Variants in ADK observed in about 807,000 individuals in gnomAD.
The protein encoded by ADK is N6,N6-dimethyladenosine kinase.
Under a neutral mutation model 44.7 loss-of-function variants are expected in ADK, and 24 were observed. The ratio of observed to expected loss-of-function variants is 0.54; its 90% CI spans 0.39 to 0.76. The LOEUF (loss-of-function observed/expected upper bound fraction) is 0.76. ADK is among the 30% of genes least tolerant of loss of function. The pLI, the probability that ADK is intolerant of heterozygous loss-of-function variation, is 0.00. For synonymous variants in ADK, 128 were observed against 142.6 expected (o/e 0.90, Z 0.73); for missense variants, 321 against 425.1 (o/e 0.76, Z 2.15).
Position 74,224,579 on chromosome 10 carries a change from A to G in ADK, c.182A>G (p.Lys61Arg), listed in dbSNP as rs1302443324. 1.2e-6 allele frequency: 2 copies of G among 1,613,692 alleles called. No individual in the cohort carries two copies. The highest frequency in any genetic ancestry group is 1.7e-4 in the Middle Eastern group (1 of 6,054). ...KPNDQILAED[K>R]HKELFDELVK... ...AATGACCAAATCTTGGCTGAAGACA[A>G]ACACAAGGAACTGTAAGTGCATTAA... is the stretch of plus-strand genomic sequence containing the variant. Residue 61 changes from lysine to arginine, a missense_variant, in exon 3 of 11, where the codon AAA becomes AGA. Transcript: ENST00000539909.
At position 74,231,233 on chromosome 10, in the gene ADK, G is replaced by A. The variant is rs576085362; in HGVS notation, c.194+6642G>A. 2.0e-5 allele frequency among the ~76,000 whole-genome samples: 3 copies of A among 152,244 alleles called. No homozygotes were observed. The East Asian group carries it at 5.8e-4, about 29-fold the overall frequency. On this transcript the variant is annotated intron_variant, in intron 3 of 10. Transcript: ENST00000539909. ...GTCAGCTTGATACAAAAGCTCTTAG[G>A]TGTGCTCATGAAGTAAGTCAAATGT... is the stretch of plus-strand genomic sequence containing the variant.
intron 4 of ADK, among the ~76,000 whole-genome samples, chr10:74,341,935 T>C (rs560050444): frequency 1.3e-5 from 2 of 152,324 alleles, no homozygotes; most frequent in South Asian, 2.1e-4. Flanking sequence ...ACAAATGATA[T>C]CACTTCTTGG....
rs999583604 is a variant in ADK at position 74,658,727 on chromosome 10, C to A, written c.878-11456C>A. Among the ~76,000 whole-genome samples the A allele has an allele frequency of 3.3e-5, 5 of 152,094 alleles. No homozygotes were observed. In the East Asian group the frequency reaches 9.6e-4, roughly 29 times the overall value. On this transcript the variant is annotated intron_variant, in intron 9 of 10. Coordinates refer to ENST00000539909, the MANE Select transcript of ADK (RefSeq NM_006721.4). ...TACAGGCATAAATCACCATGCCTGGCTGGAAACCAGTTCTTCAGATAAGAG... is the reference window on the plus strand; with the variant it reads ...TACAGGCATAAATCACCATGCCTGGATGGAAACCAGTTCTTCAGATAAGAG...
At position 74,513,889 on chromosome 10, in the gene ADK, A is replaced by G. The variant is rs760698880; in HGVS notation, c.556-11367A>G. Among the ~76,000 whole-genome samples, 269 of 152,130 alleles carry G rather than the reference A, an allele frequency of 1.8e-3. 3 individuals carry two copies. Among genetic ancestry groups the G allele is most frequent in the Non-Finnish European group, 4.0e-4 (27 of 68,012 alleles). On this transcript the variant is annotated intron_variant, in intron 6 of 10. Coordinates refer to ENST00000539909, the MANE Select transcript of ADK (RefSeq NM_006721.4). The stretch of plus-strand genomic sequence containing the variant: ...TGATTCCTTTCTCCTTCTCCTTTGT[A>G]CAGCAGCTCTATCAGTGTGTTTTAT...
At chr10:74,576,245 G>A (rs1360714799) in intron 7 of ADK, among the ~76,000 whole-genome samples, 1 of 151,952 alleles carries the variant, frequency 6.6e-6, no homozygotes, top group Non-Finnish European at 1.5e-5. Flanking sequence ...GAAAGGGTGG[G>A]GAAATTCAAA....
At chr10:74,472,680 A>T (rs1310441007) in intron 6 of ADK, among the ~76,000 whole-genome samples, 1 of 152,178 alleles carries the variant, frequency 6.6e-6, no homozygotes, top group East Asian at 1.9e-4. Flanking sequence ...TTAAAGTTTA[A>T]AATTTTCAGC....
rs372483942 is a variant in ADK, at chr10:74,333,776, G to A, written c.273+19031G>A. On this transcript the variant is annotated intron_variant, in intron 4 of 10. Transcript: ENST00000539909. ...ATTTAATGCTTGAATAGGTATTGAA[G>A]CATATCTGAAAGTATAATTAATTAA... Among the ~76,000 whole-genome samples, 268 of 152,112 alleles carry A rather than the reference G, an allele frequency of 1.8e-3. 1 individual carries two copies. Among genetic ancestry groups the A allele is most frequent in the African/African-American group, 5.5e-3 (227 of 41,498 alleles).
At chr10:74,286,719 A>G (rs1165498436) in intron 3 of ADK, among the ~76,000 whole-genome samples, 4 of 152,376 alleles carry the variant, frequency 2.6e-5, no homozygotes, top group Non-Finnish European at 4.4e-5. Context: ...TGGTTCTTAT[A>G]TAATGTAGGA....
At chr10:74,573,845 T>A (rs868493562) in intron 7 of ADK, among the ~76,000 whole-genome samples, 38 of 152,316 alleles carry the variant, frequency 2.5e-4, no homozygotes, top group Non-Finnish European at 4.1e-4. Context: ...GCGCCATTTT[T>A]TAAGCCTGTT....
Position 74,525,254 on chromosome 10 carries a change from A to G in ADK, c.556-2A>G, listed in dbSNP as rs1446960899. 6.2e-7 allele frequency: 1 copy of G among 1,613,512 alleles called. No individual in the cohort carries two copies. Among genetic ancestry groups the G allele is most frequent in the Non-Finnish European group, 8.5e-7 (1 of 1,179,722 alleles). On this transcript the variant is annotated splice_acceptor_variant, in intron 6 of 10. Coordinates refer to ENST00000539909, the MANE Select transcript of ADK (RefSeq NM_006721.4). LOFTEE classifies it high-confidence loss of function. ...ATTTTCCCTCCTTTTTTCTTCATCC[A>G]GGGCTTTTTTCTTACAGTTTCCCCA... is the stretch of plus-strand genomic sequence containing the variant.
At chr10:74,217,762 G>C (rs898857114) in intron 2 of ADK, among the ~76,000 whole-genome samples, 2 of 152,096 alleles carry the variant, frequency 1.3e-5, no homozygotes, top group Non-Finnish European at 2.9e-5. Context: ...AGGCAAACAG[G>C]GTCTGGAGTG....
In ADK at chr10:74,295,426, C is replaced by T. The variant is rs1443303791; in HGVS notation, c.195-19241C>T. ...GCAGTGAGCCAAGATCACTTTATTG[C>T]ACTCCAGACTGGGCGACAAGAGCAA... On this transcript the variant is annotated intron_variant, in intron 3 of 10. Coordinates refer to ENST00000539909, the MANE Select transcript of ADK (RefSeq NM_006721.4). Among the ~76,000 whole-genome samples the T allele has an allele frequency of 2.6e-5, 4 of 151,228 alleles. No individual in the cohort carries two copies. The East Asian group carries it at 5.9e-4, about 22-fold the overall frequency.
intron 10 of ADK, among the ~76,000 whole-genome samples, chr10:74,696,486 C>T (rs1856211646): frequency 1.3e-5 from 2 of 151,780 alleles, no homozygotes; most frequent in Admixed American, 1.3e-4. Flanking sequence ...CTGCCTCAGC[C>T]TCCCGAGTAG....
chr10:74,546,818 CAA>C (rs1381671242), intron 7 of ADK, among the ~76,000 whole-genome samples: 2 of 151,918 alleles, frequency 1.3e-5, no homozygotes, highest in African/African-American at 4.8e-5. Flanking sequence ...TCAAAATTGA[CAA>C]AGATTCATGG....
At chr10:74,671,156 T>C (rs1469078644) in intron 10 of ADK, among the ~76,000 whole-genome samples, 1 of 152,014 alleles carries the variant, frequency 6.6e-6, no homozygotes, top group East Asian at 1.9e-4. Context: ...ACTTAATATT[T>C]TATTTTAATA....
chr10:74,424,967 A>G (rs1004505735), intron 6 of ADK, among the ~76,000 whole-genome samples: 1 of 152,198 alleles, frequency 6.6e-6, no homozygotes, highest in African/African-American at 2.4e-5. Context: ...TGCCTAGCCT[A>G]ATATTTAAAG....
intron 4 of ADK, among the ~76,000 whole-genome samples, chr10:74,385,991 G>T (rs1314223365): frequency 6.6e-6 from 1 of 152,126 alleles, no homozygotes; most frequent in Non-Finnish European, 1.5e-5. Context: ...TTTAAGGAAA[G>T]AAGCATAACA....
chr10:74,542,414 T>C (rs1427114681), intron 7 of ADK, among the ~76,000 whole-genome samples: 3 of 152,224 alleles, frequency 2.0e-5, no homozygotes, highest in East Asian at 1.9e-4. Flanking sequence ...TACTAAGAGC[T>C]CAATATCTGT....
chr10:74,362,120 A>T (rs561345992), intron 4 of ADK, among the ~76,000 whole-genome samples: 1 of 152,176 alleles, frequency 6.6e-6, no homozygotes, highest in African/African-American at 2.4e-5. Context: ...TCAGGTATGG[A>T]AAGTTTTCTG....
Sources: gnomAD v4.1 joint callset for allele counts (sites outside exome capture counted in the v4.1 genomes callset) on GRCh38, gnomAD v4.1.1 for gene constraint, MANE v1.5 for transcripts, NCBI Gene and HGNC (gene_info 2026-07-23, HGNC 2026-07-21) for gene names.